KLHL1: variants seen among roughly 807,000 people sequenced by gnomAD.
KLHL1 encodes the protein kelch-like protein 1.
In KLHL1, 47 loss-of-function variants were observed where a neutral mutation model predicts 77.7. That is an observed-to-expected ratio of 0.60 (90% CI 0.48 to 0.77). The LOEUF is 0.77. KLHL1 is among the 30% of genes least tolerant of loss of function. The pLI is 0.00. For synonymous variants in KLHL1, 360 were observed against 325.2 expected, an observed-to-expected ratio of 1.11 and a Z score of -1.15; for missense variants, 925 against 910.8, an observed-to-expected ratio of 1.02 and a Z score of -0.20.
chr13:70,010,307 G>C (rs529131779), intron 1 of KLHL1, among the ~76,000 whole-genome samples: 21 of 152,142 alleles, frequency 1.4e-4, no homozygotes, highest in African/African-American at 5.1e-4. Flanking sequence ...TCAATCAAAA[G>C]CCTGTTGTAA....
chr13:69,804,306 G>GT (rs1040571924), intron 6 of KLHL1, among the ~76,000 whole-genome samples: 1 of 125,060 alleles, frequency 8.0e-6, no homozygotes, highest in Non-Finnish European at 1.7e-5. Flanking sequence ...TAATTTTTTT[G>GT]TGGGGGGGGG....
chr13:70,002,662 G>GACACATAAACC (rs1317276536), intron 1 of KLHL1, among the ~76,000 whole-genome samples: 4 of 151,626 alleles, frequency 2.6e-5, no homozygotes, highest in African/African-American at 9.7e-5. Flanking sequence ...GACACATCAT[G>GACACATAAACC]TCAATGACAA....
intron 1 of KLHL1, among the ~76,000 whole-genome samples, chr13:70,064,828 C>G (rs1399721891): frequency 6.6e-6 from 1 of 152,192 alleles, no homozygotes; most frequent in Non-Finnish European, 1.5e-5. Flanking sequence ...CTCCTTGGCA[C>G]AGTTGCCTGG....
chr13:69,857,599 T>C (rs1008760913), intron 5 of KLHL1, among the ~76,000 whole-genome samples: 1 of 152,078 alleles, frequency 6.6e-6, no homozygotes, highest in Non-Finnish European at 1.5e-5. Context: ...AGTTTCCTAT[T>C]CATTTGTATA....
At chr13:69,711,821 T>C (rs1345393255) in intron 9 of KLHL1, among the ~76,000 whole-genome samples, 7 of 152,178 alleles carry the variant, frequency 4.6e-5, no homozygotes. Flanking sequence ...ACTCCACTCC[T>C]ACCATCAGTG....
At chr13:70,041,533 T>C (rs1014637342) in intron 1 of KLHL1, among the ~76,000 whole-genome samples, 19 of 152,130 alleles carry the variant, frequency 1.2e-4, no homozygotes, top group African/African-American at 4.6e-4. Context: ...GAGTTCAGGC[T>C]CCCTATTTTT....
At chr13:69,924,919 G>A (rs895786930) in intron 4 of KLHL1, among the ~76,000 whole-genome samples, 22 of 152,198 alleles carry the variant, frequency 1.4e-4, no homozygotes, top group Admixed American at 1.0e-3. Context: ...GCTGGCACCT[G>A]TGCCAGCAAA....
At chr13:69,958,684 C>A (rs1005189521) in intron 3 of KLHL1, among the ~76,000 whole-genome samples, 1 of 151,646 alleles carries the variant, frequency 6.6e-6, no homozygotes, top group African/African-American at 2.4e-5. Context: ...AACTATCAAT[C>A]ATTGACATAG....
intron 3 of KLHL1, among the ~76,000 whole-genome samples, chr13:69,952,243 A>G (rs1883732521): frequency 1.3e-5 from 2 of 151,524 alleles, no homozygotes; most frequent in South Asian, 4.1e-4. Context: ...TGCATAGCCC[A>G]GGAAAACACA....
At chr13:69,940,507 T>C (rs1207661365) in intron 3 of KLHL1, among the ~76,000 whole-genome samples, 1 of 152,108 alleles carries the variant, frequency 6.6e-6, no homozygotes, top group East Asian at 1.9e-4. Flanking sequence ...GTTCTTCCTT[T>C]GATTGTGAAA....
intron 7 of KLHL1, among the ~76,000 whole-genome samples, chr13:69,742,126 C>T (rs868497472): frequency 6.6e-6 from 1 of 152,114 alleles, no homozygotes; most frequent in East Asian, 1.9e-4. Flanking sequence ...ACAATTGCCT[C>T]ATAAAATTTT....
At chr13:69,897,118 A>T (rs1881675003) in intron 4 of KLHL1, among the ~76,000 whole-genome samples, 1 of 152,206 alleles carries the variant, frequency 6.6e-6, no homozygotes, top group Non-Finnish European at 1.5e-5. Context: ...TTTATTTAAA[A>T]ATCAAACAAT....
At chr13:69,982,437 AAAT>A (rs34183465) in intron 1 of KLHL1, among the ~76,000 whole-genome samples, 8,128 of 135,650 alleles carry the variant, frequency 0.06, 250 homozygotes, top group South Asian at 0.088. Context: ...CTCCATCTCC[AAAT>A]AATAATAATA....
chr13:69,869,787 C>G (rs757879374), intron 5 of KLHL1, among the ~76,000 whole-genome samples: 5 of 152,148 alleles, frequency 3.3e-5, no homozygotes, highest in Non-Finnish European at 5.9e-5. Flanking sequence ...CATCACATGG[C>G]TCTCTTCCCT....
At chr13:69,821,069 A>C (rs578143547) in intron 6 of KLHL1, among the ~76,000 whole-genome samples, 1 of 152,326 alleles carries the variant, frequency 6.6e-6, no homozygotes, top group South Asian at 2.1e-4. Context: ...ATGAAAGTTT[A>C]TGAACATTAA....
At chr13:69,905,761 G>A (rs1882027267) in intron 4 of KLHL1, among the ~76,000 whole-genome samples, 1 of 152,004 alleles carries the variant, frequency 6.6e-6, no homozygotes, top group Non-Finnish European at 1.5e-5. Flanking sequence ...TTGCTGCTTT[G>A]AATAGCTTTT....
chr13:69,884,762 T>C (rs1467229531), intron 4 of KLHL1, among the ~76,000 whole-genome samples: 1 of 152,136 alleles, frequency 6.6e-6, no homozygotes, highest in Non-Finnish European at 1.5e-5. Context: ...GCTTTTATCA[T>C]GGATGTTGTA....
chr13:69,720,849 G>A (rs1245878061), intron 8 of KLHL1, among the ~76,000 whole-genome samples: 3 of 150,104 alleles, frequency 2.0e-5, no homozygotes, highest in Middle Eastern at 3.4e-3. Context: ...CTTACAAGGT[G>A]CATGTAGACT....
In KLHL1 at chr13:70,019,905, AAT is replaced by A. The variant is rs537294553; in HGVS notation, c.498-44105_498-44104del. On this transcript the variant is annotated intron_variant, in intron 1 of 10. Transcript: ENST00000377844. ...AGGTCATGAAGGCTCCATCCTCATGAATAATTAATCCTTTCATAAAAAGGACT... is the reference window on the plus strand; with the variant it reads ...AGGTCATGAAGGCTCCATCCTCATGAAATTAATCCTTTCATAAAAAGGACT... 7.2e-4 allele frequency among the ~76,000 whole-genome samples: 110 copies of A among 152,272 alleles called. 2 individuals are homozygous for A. In the South Asian group the frequency reaches 0.011, roughly 15 times the overall value.
Sources: allele counts gnomAD v4.1 joint callset (sites outside exome capture counted in the v4.1 genomes callset), GRCh38; gene constraint gnomAD v4.1.1; transcripts MANE v1.5; gene names NCBI Gene and HGNC (gene_info 2026-07-23, HGNC 2026-07-21).